Variants in IRS2 observed in about 807,000 individuals in gnomAD.
IRS2 encodes insulin receptor substrate 2.
In IRS2, 28 loss-of-function variants were observed where a neutral mutation model predicts 70.9. The observed-to-expected ratio is 0.39, with a 90% confidence interval of 0.29 to 0.54. The LOEUF is 0.54. IRS2 is among the 20% of genes least tolerant of loss of function. IRS2 has a pLI of 0.59. For synonymous variants in IRS2, 1,217 were observed against 981.9 expected (o/e 1.24, Z -4.48); for missense variants, 2,081 against 2,024.1 (o/e 1.03, Z -0.54).
rs767297227 is a variant in IRS2 at position 109,783,273 on chromosome 13, G to C, written c.2781C>G (p.Pro927=). Reference sequence around the variant, plus strand: ...GCGCGGGCGGCGACAGGCGGGCCCCGGGCTCGCCAAAGTCGATGTTGATGT... The same window carrying C: ...GCGCGGGCGGCGACAGGCGGGCCCCCGGCTCGCCAAAGTCGATGTTGATGT... ...GEYINIDFGE[P]GARLSPPAPP... Residue 927 remains proline (P), a synonymous_variant, in exon 1 of 2, where the codon CCC becomes CCG. Transcript: ENST00000375856. 1.9e-5 allele frequency: 28 copies of C among 1,460,086 alleles called. No individual in the cohort carries two copies. The highest frequency in any genetic ancestry group is 2.5e-5 in the Non-Finnish European group (28 of 1,111,656). 90.4% of individuals were successfully genotyped at this position (1,460,086 alleles called of 1,614,324 possible). A position where few individuals can be genotyped will look rare whatever the true frequency, so the allele number is the denominator to read the frequency against.
chr13:109,756,745 C>A (rs1243554086), intron 1 of IRS2, among the ~76,000 whole-genome samples: 1 of 152,144 alleles, frequency 6.6e-6, no homozygotes, highest in Non-Finnish European at 1.5e-5. Flanking sequence ...CCCAGGGCTG[C>A]AGAGATGAAA....
At chr13:109,774,895 T>C (rs149177393) in intron 1 of IRS2, among the ~76,000 whole-genome samples, 2,834 of 152,288 alleles carry the variant, frequency 0.019, 35 homozygotes, top group Non-Finnish European at 0.026. Flanking sequence ...TCCGTCAATA[T>C]TGATCAGAAT....
intron 1 of IRS2, 100 bp downstream of exon 1, chr13:109,781,942 G>C (rs1594388627): frequency 7.3e-7 from 1 of 1,366,308 alleles, no homozygotes. Context: ...TCGGCTTCTG[G>C]GTCAAGGTCC....
intron 1 of IRS2, among the ~76,000 whole-genome samples, chr13:109,764,606 G>A (rs1314877152): frequency 1.3e-5 from 2 of 152,172 alleles, no homozygotes; most frequent in African/African-American, 2.4e-5. Flanking sequence ...CACATGCTGT[G>A]TTCTCAACTA....
chr13:109,776,003 G>GC (rs1299651585), intron 1 of IRS2, among the ~76,000 whole-genome samples: 1 of 151,950 alleles, frequency 6.6e-6, no homozygotes, highest in African/African-American at 2.4e-5. Context: ...CAAAAAATTA[G>GC]CAGGGCATGG....
intron 1 of IRS2, among the ~76,000 whole-genome samples, chr13:109,767,507 G>A (rs964680361): frequency 6.6e-6 from 1 of 152,116 alleles, no homozygotes; most frequent in African/African-American, 2.4e-5. Context: ...GGTTTCCCAA[G>A]GCTGTGCCTG....
intron 1 of IRS2, among the ~76,000 whole-genome samples, chr13:109,781,695 G>A (rs1877706237): frequency 1.3e-5 from 2 of 152,168 alleles, no homozygotes; most frequent in South Asian, 4.1e-4. Flanking sequence ...GATGAAGACA[G>A]TCGGGTGCCC....
intron 1 of IRS2, among the ~76,000 whole-genome samples, chr13:109,764,601 G>A (rs1877295686): frequency 6.6e-6 from 1 of 152,170 alleles, no homozygotes; most frequent in Non-Finnish European, 1.5e-5. Context: ...GTAACCACAT[G>A]CTGTGTTCTC....
Position 109,784,344 on chromosome 13 carries a change from C to T in IRS2, c.1710G>A (p.Gly570=), listed in dbSNP as rs762987533. ...TCAGGGAGTAGGTCCTCTTGCGCAG[C>T]CCTCGGTCCAGGTCCTGGGCCGCGT... ...SGDAAQDLDR[G]LRKRTYSLTT... is the part of the protein sequence containing the mutation. Residue 570 remains glycine (G), a synonymous_variant, in exon 1 of 2, where the codon GGG becomes GGA. Coordinates refer to ENST00000375856, the MANE Select transcript of IRS2 (RefSeq NM_003749.3). The surrounding 1 kb of genome is among the most constrained non-coding windows in gnomAD (Gnocchi z 5.2). 2 of 1,608,872 alleles carry T rather than the reference C, an allele frequency of 1.2e-6. No individual in the cohort carries two copies. Among genetic ancestry groups the T allele is most frequent in the Non-Finnish European group, 1.7e-6 (2 of 1,179,372 alleles).
At chr13:109,757,493 G>A (rs1877132069) in intron 1 of IRS2, among the ~76,000 whole-genome samples, 1 of 152,008 alleles carries the variant, frequency 6.6e-6, no homozygotes, top group Non-Finnish European at 1.5e-5. Context: ...GAAACTTCCA[G>A]TGTGCCCTGA....
chr13:109,782,865 G>A lies in IRS2; in HGVS notation c.3189C>T (p.Ser1063=), dbSNP rs1359640062. ...AQGPGAASSL[S]SDTGDNGDYT... ...AGTCACCATTGTCCCCGGTGTCCGA[G>A]GACAACGATGAGGCGGCGCCCGGGC... Residue 1063 remains serine, a synonymous_variant, in exon 1 of 2, where the codon TCC becomes TCT. Coordinates refer to ENST00000375856, the MANE Select transcript of IRS2 (RefSeq NM_003749.3). 2.5e-6 allele frequency: 4 copies of A among 1,576,558 alleles called. No homozygotes were observed. The highest frequency in any genetic ancestry group is 3.7e-5 in the Admixed American group (2 of 53,834).
chr13:109,763,335 G>A (rs1053371571), intron 1 of IRS2, among the ~76,000 whole-genome samples: 2 of 152,186 alleles, frequency 1.3e-5, no homozygotes, highest in African/African-American at 4.8e-5. Flanking sequence ...ACACTATCCT[G>A]TTACAGACCC....
chr13:109,772,847 C>T (rs1877486801), intron 1 of IRS2, among the ~76,000 whole-genome samples: 2 of 152,022 alleles, frequency 1.3e-5, no homozygotes, highest in South Asian at 2.1e-4. Context: ...AGGCGCCCGC[C>T]ACCGCACCCG....
intron 1 of IRS2, among the ~76,000 whole-genome samples, chr13:109,778,790 A>G (rs532411028): frequency 1.3e-5 from 2 of 152,342 alleles, no homozygotes; most frequent in South Asian, 4.1e-4. Flanking sequence ...ATACATATAT[A>G]TACGCCAATT....
At position 109,785,533 on chromosome 13, in the gene IRS2, G is replaced by A; in HGVS notation, c.521C>T (p.Ser174Phe). Residue 174 changes from serine to phenylalanine, a missense_variant, in exon 1 of 2, where the codon TCT (serine) becomes TTT (phenylalanine). By Grantham distance (155) the Ser-to-Phe change is radical (BLOSUM62 -2). This residue lies in a region of IRS2 where 320 missense variants were observed against 352.9 expected (regional missense o/e 0.91). Coordinates refer to ENST00000375856, the MANE Select transcript of IRS2 (RefSeq NM_003749.3). The surrounding 1 kb of genome is among the most constrained non-coding windows in gnomAD (Gnocchi z 9.3). ...SASLPGALGG[S>F]AGAAGAEDSY... ...GTCCTCGGCCCCGGCGGCGCCGGCA[G>A]AGCCGCCCAGGGCGCCGGGCAGGGA... The A allele has an allele frequency of 6.3e-7, 1 of 1,583,512 alleles. No individual in the cohort carries two copies. The highest frequency in any genetic ancestry group is 8.6e-7 in the Non-Finnish European group (1 of 1,165,446).
chr13:109,784,719 G>T lies in IRS2; in HGVS notation c.1335C>A (p.Pro445=), dbSNP rs1877858983. The T allele has an allele frequency of 8.1e-7, 1 of 1,236,776 alleles. No individual in the cohort carries two copies. 76.6% of individuals were successfully genotyped at this position (1,236,776 alleles called of 1,614,324 possible). A position where few individuals can be genotyped will look rare whatever the true frequency, so the allele number is the denominator to read the frequency against. Residue 445 remains proline (P), a synonymous_variant, in exon 1 of 2, where the codon CCC becomes CCA. Coordinates refer to ENST00000375856, the MANE Select transcript of IRS2 (RefSeq NM_003749.3). This position sits in a 1 kb window ranked among gnomAD's most constrained non-coding sequence, Gnocchi z 5.2. The part of the protein sequence containing the change: ...VAHSPPAATS[P]GSLSSSSGHG... ...GGCCGCTGCTGGACGACAGGGAGCC[G>T]GGGCTGGTGGCGGCGGGCGGCGAGT...
At chr13:109,767,781 G>A (rs1008975152) in intron 1 of IRS2, among the ~76,000 whole-genome samples, 1 of 140,432 alleles carries the variant, frequency 7.1e-6, no homozygotes, top group Admixed American at 7.7e-5. Context: ...TGCCCAGGCT[G>A]GAGCGCAGTG....
At chr13:109,768,708 C>A (rs986474999) in intron 1 of IRS2, among the ~76,000 whole-genome samples, 1 of 151,988 alleles carries the variant, frequency 6.6e-6, no homozygotes, top group African/African-American at 2.4e-5. Context: ...GAGGGAAAGA[C>A]CTTGTCTTTT....
chr13:109,770,781 T>C (rs1005861740), intron 1 of IRS2, among the ~76,000 whole-genome samples: 2 of 152,204 alleles, frequency 1.3e-5, no homozygotes, highest in Non-Finnish European at 2.9e-5. Context: ...TCCCAGGACA[T>C]CTACTCTTGT....
Sources: gnomAD v4.1 joint callset for allele counts (sites outside exome capture counted in the v4.1 genomes callset) on GRCh38, gnomAD v4.1.1 for gene constraint, gnomAD v4.1.1 regional missense constraint, Gnocchi (gnomAD v3.1) non-coding constraint, MANE v1.5 for transcripts, NCBI Gene and HGNC (gene_info 2026-07-23, HGNC 2026-07-21) for gene names.